The following ZNF493 variants were observed in gnomAD, a reference collection of about 807,000 sequenced individuals.
The protein encoded by ZNF493 is zinc finger protein 493.
A neutral mutation model predicts 12.2 loss-of-function variants in ZNF493; 11 were observed. That is an observed-to-expected ratio of 0.90 (90% CI 0.57 to 1.50). The LOEUF is 1.50. Among genes scored for constraint, ZNF493 ranks in the 40% most tolerant of loss-of-function variants. ZNF493 has a pLI of 0.00. For missense variants in ZNF493, 950 were observed against 906.6 expected (o/e 1.05, Z -0.61); for synonymous variants, 286 against 302.6 (o/e 0.95, Z 0.57).
At chr19:21,408,954 G>C (rs986201962) in intron 3 of ZNF493, among the ~76,000 whole-genome samples, 2 of 149,246 alleles carry the variant, frequency 1.3e-5, no homozygotes, top group Non-Finnish European at 3.0e-5. Context: ...GAACAATCTC[G>C]GCTCACTGCA....
In ZNF493 at chr19:21,405,088, A is replaced by ATGTG. The variant is rs35143973; in HGVS notation, c.31-23_31-20dup. On this transcript the variant is annotated intron_variant, in intron 1 of 3. Coordinates refer to ENST00000392288, the MANE Select transcript of ZNF493 (RefSeq NM_001076678.3). ...AATGATAAATTTTGCCCACGTGTAA[A>ATGTG]TGTGTGTGTGTGTGTGTGTGTTTGT... 3.9e-3 allele frequency: 5,567 copies of ATGTG among 1,422,836 alleles called. 20 individuals carry two copies. Among genetic ancestry groups the ATGTG allele is most frequent in the African/African-American group, 0.028 (1,920 of 68,346 alleles). 88.1% of individuals were successfully genotyped at this position (1,422,836 alleles called of 1,614,324 possible).
Position 21,408,425 on chromosome 19 carries a change from G to A in ZNF493, c.253+2569G>A, listed in dbSNP as rs116808709. 1.5e-3 allele frequency: 1,473 copies of A among 984,396 alleles called. 21 individuals carry two copies. The African/African-American group carries it at 0.023, about 15-fold the overall frequency. The allele number at this position is 984,396 out of a possible 1,614,324, so 61.0% of individuals were successfully genotyped here. ...ATTACAGACGTGAGCCACCACCCCC[G>A]GCCACTTGTTTCTTTTAAATGCTTA... is the stretch of plus-strand genomic sequence containing the variant. On this transcript the variant is annotated intron_variant, in intron 3 of 3. Transcript: ENST00000392288.
intron 1 of ZNF493, chr19:21,398,845 G>A (rs6511237): frequency 0.55 from 84,616 of 153,334 alleles, 23,680 homozygotes; most frequent in Middle Eastern, 0.67. Context: ...CTCTAAGGGG[G>A]CAGAAAAATA....
intron 3 of ZNF493, chr19:21,408,695 G>A (rs758127078): frequency 1.7e-5 from 17 of 984,938 alleles, no homozygotes; most frequent in South Asian, 9.4e-5. Context: ...TCAGCTTATC[G>A]TGGTTTTTGG....
At chr19:21,413,150 A>G (rs2030378692) in intron 3 of ZNF493, 4 of 298,162 alleles carry the variant, frequency 1.3e-5, no homozygotes, top group Admixed American at 4.8e-5. Context: ...CTGCAATGCA[A>G]TCTTTCTAAA....
At position 21,424,264 on chromosome 19, in the gene ZNF493, T is replaced by C. The variant is rs1455066412; in HGVS notation, c.1605T>C (p.His535=). 3.2e-5 allele frequency: 52 copies of C among 1,612,072 alleles called. No individual in the cohort carries two copies. The highest frequency in any genetic ancestry group is 4.3e-5 in the Non-Finnish European group (51 of 1,178,864). ...AFKRSSTLTI[H]KMIHTGEKPY... ...AACGATCTTCAACCCTTACTATACA[T>C]AAAATGATTCACACTGGAGAAAAAC... is the stretch of plus-strand genomic sequence containing the variant. The change falls in exon 4 of 4, where the codon CAT becomes CAC. Residue 535 remains histidine (H), a synonymous_variant. Coordinates refer to ENST00000392288, the MANE Select transcript of ZNF493 (RefSeq NM_001076678.3).
At chr19:21,405,281 C>T (rs1186088778) in intron 2 of ZNF493, 26 bp downstream of exon 2, 2 of 1,597,776 alleles carry the variant, frequency 1.3e-6, no homozygotes, top group Admixed American at 1.8e-5. Flanking sequence ...ATACAAAATC[C>T]CTTATATACC....
At chr19:21,397,380 C>G in intron 1 of ZNF493, 113 bp downstream of exon 1, 2 of 1,284,964 alleles carry the variant, frequency 1.6e-6, no homozygotes, top group Non-Finnish European at 2.3e-6. Flanking sequence ...CAATCTGCTC[C>G]CTGAGTTCTC....
At chr19:21,403,731 TC>T (rs1299315271) in intron 1 of ZNF493, among the ~76,000 whole-genome samples, 5 of 152,204 alleles carry the variant, frequency 3.3e-5, no homozygotes, top group African/African-American at 1.2e-4. Flanking sequence ...ATGCGTTTAG[TC>T]CTTGCAAACC....
chr19:21,398,304 G>A (rs1321583425), intron 1 of ZNF493: 1 of 155,696 alleles, frequency 6.4e-6, no homozygotes, highest in African/African-American at 2.4e-5. Context: ...CATTTAAAGA[G>A]ATTTGTTATC....
intron 1 of ZNF493, among the ~76,000 whole-genome samples, chr19:21,404,758 A>G (rs1367951358): frequency 1.3e-5 from 2 of 152,192 alleles, no homozygotes; most frequent in Non-Finnish European, 2.9e-5. Context: ...TACTGTTCAC[A>G]TTAAAACTTG....
rs373869634 is a variant in ZNF493, at chr19:21,410,687, T to A, written c.253+4831T>A. On this transcript the variant is annotated intron_variant, in intron 3 of 3. Transcript: ENST00000392288. ...CATTTTTCTGTTTTTTTCTTTGTTGTTCATGCATTTAATATCATATCTAAG... is the reference window on the plus strand; with the variant it reads ...CATTTTTCTGTTTTTTTCTTTGTTGATCATGCATTTAATATCATATCTAAG... Among the ~76,000 whole-genome samples the A allele has an allele frequency of 1.6e-4, 25 of 152,324 alleles. No homozygotes were observed. In the South Asian group the frequency reaches 4.8e-3, roughly 29 times the overall value.
intron 1 of ZNF493, among the ~76,000 whole-genome samples, chr19:21,400,771 A>G (rs964341993): frequency 1.3e-5 from 2 of 152,190 alleles, no homozygotes; most frequent in African/African-American, 4.8e-5. Flanking sequence ...CTGACCATGT[A>G]GTTGTTATTG....
chr19:21,422,109 G>T (rs1442761612), intron 3 of ZNF493, among the ~76,000 whole-genome samples: 1 of 152,140 alleles, frequency 6.6e-6, no homozygotes, highest in Non-Finnish European at 1.5e-5. Context: ...CTCGCAAAGT[G>T]CTGGGATTAT....
rs1568375291 is a variant in ZNF493, at chr19:21,397,138, TTC to T, written c.-94_-93del. ...TTCCGGGATGTGGCTGGGCCATTGTTTCTCTCTGCTGCCGGAGCTCCAGGTCT... is the reference window on the plus strand; with the variant it reads ...TTCCGGGATGTGGCTGGGCCATTGTTTCTCTGCTGCCGGAGCTCCAGGTCT... On this transcript the variant is annotated 5_prime_UTR_variant, in exon 1 of 4. Transcript: ENST00000392288. The T allele has an allele frequency of 1.4e-6, 2 of 1,408,004 alleles. No homozygotes were observed. Among genetic ancestry groups the T allele is most frequent in the African/African-American group, 1.4e-5 (1 of 71,276 alleles). 87.2% of individuals were successfully genotyped at this position (1,408,004 alleles called of 1,614,324 possible).
At position 21,399,885 on chromosome 19, in the gene ZNF493, G is replaced by A. The variant is rs577157997; in HGVS notation, c.30+2618G>A. 5.6e-4 allele frequency among the ~76,000 whole-genome samples: 85 copies of A among 152,210 alleles called. No individual in the cohort carries two copies. The South Asian group carries it at 0.017, about 30-fold the overall frequency. On this transcript the variant is annotated intron_variant, in intron 1 of 3. Coordinates refer to ENST00000392288, the MANE Select transcript of ZNF493 (RefSeq NM_001076678.3). ...GTGAGTTACGTAGATTCATAAAAAC[G>A]TAAGTTCCTTTTTTTGCAAGGTAAA...
chr19:21,424,311 G>T lies in ZNF493; in HGVS notation c.1652G>T (p.Gly551Val), dbSNP rs754521520. 1.2e-6 allele frequency: 2 copies of T among 1,613,604 alleles called. No individual in the cohort carries two copies. The highest frequency in any genetic ancestry group is 1.7e-6 in the Non-Finnish European group (2 of 1,179,774). The change falls in exon 4 of 4, where the codon GGC becomes GTC. Residue 551 changes from glycine (G) to valine (V), a missense_variant. Coordinates refer to ENST00000392288, the MANE Select transcript of ZNF493 (RefSeq NM_001076678.3). Reference sequence around the variant, plus strand: ...AAACCCTACAAATGTGAAGAATGTGGCAAAGCTTTTAATCGGTCCTCACAC... The same window carrying T: ...AAACCCTACAAATGTGAAGAATGTGTCAAAGCTTTTAATCGGTCCTCACAC... ...GEKPYKCEEC[G>V]KAFNRSSHLT...
intron 1 of ZNF493, among the ~76,000 whole-genome samples, chr19:21,403,750 C>T (rs549517924): frequency 2.6e-5 from 4 of 152,318 alleles, no homozygotes. Flanking sequence ...ACCTTTACTT[C>T]CCTACTTGTG....
chr19:21,426,967 T>A lies in ZNF493; in HGVS notation c.*1983T>A, dbSNP rs954899913. On this transcript the variant is annotated 3_prime_UTR_variant, in exon 4 of 4. Transcript: ENST00000392288. ...GATTATACTTTGTTTCTTGAAAAAA[T>A]TACAGATTTTTTGAAAAGCAAATGA... 4 of 166,968 alleles carry A rather than the reference T, an allele frequency of 2.4e-5. No individual in the cohort carries two copies. The highest frequency in any genetic ancestry group is 9.7e-5 in the African/African-American group (4 of 41,446). 10.3% of individuals were successfully genotyped at this position (166,968 alleles called of 1,614,324 possible).
Sources: gnomAD v4.1 joint callset for allele counts (sites outside exome capture counted in the v4.1 genomes callset) on GRCh38, gnomAD v4.1.1 for gene constraint, MANE v1.5 for transcripts, NCBI Gene and HGNC (gene_info 2026-07-23, HGNC 2026-07-21) for gene names.